The following RHPN2 variants were observed in gnomAD, a reference collection of about 807,000 sequenced individuals.
RHPN2 encodes the protein rhophilin-2.
RHPN2 carries 40 observed loss-of-function variants against 79.0 expected under a neutral mutation model. That is an observed-to-expected ratio of 0.51 (90% CI 0.39 to 0.66). RHPN2 has a LOEUF of 0.66. RHPN2 is among the 30% of genes least tolerant of loss of function. The pLI is 0.00. For missense variants in RHPN2, 686 were observed against 883.5 expected (o/e 0.78, Z 2.83); for synonymous variants, 285 against 363.5 (o/e 0.78, Z 2.46).
intron 1 of RHPN2, among the ~76,000 whole-genome samples, chr19:33,058,954 G>T (rs1312618517): frequency 2.6e-5 from 4 of 152,070 alleles, no homozygotes; most frequent in Admixed American, 6.6e-5. Flanking sequence ...AATTAGCCGG[G>T]CATGGTGGCG....
chr19:33,033,807 C>T (rs1599827381), intron 2 of RHPN2, among the ~76,000 whole-genome samples: 1 of 151,726 alleles, frequency 6.6e-6, no homozygotes, highest in East Asian at 1.9e-4. Flanking sequence ...GCACAGGTTG[C>T]GGTGAGCCGA....
intron 7 of RHPN2, among the ~76,000 whole-genome samples, chr19:33,005,878 A>C (rs574666218): frequency 6.6e-6 from 1 of 152,068 alleles, no homozygotes; most frequent in African/African-American, 2.4e-5. Context: ...CGATAGACCA[A>C]TCTTTTATTT....
rs560241367 is a variant in RHPN2 at position 33,025,878 on chromosome 19, G to A, written c.314+626C>T. On this transcript the variant is annotated intron_variant, in intron 3 of 14. Coordinates refer to ENST00000254260, the MANE Select transcript of RHPN2 (RefSeq NM_033103.5). ...TTGCGTGTCTATGAAATGTGACTAC[G>A]CGGAATTACTGAAAATTAACTATAA... is the stretch of plus-strand genomic sequence containing the variant. 3.9e-5 allele frequency among the ~76,000 whole-genome samples: 6 copies of A among 152,152 alleles called. No individual in the cohort carries two copies. In the East Asian group the frequency reaches 5.8e-4, roughly 15 times the overall value.
At chr19:33,039,714 TG>T (rs1488016921) in intron 2 of RHPN2, among the ~76,000 whole-genome samples, 2 of 151,882 alleles carry the variant, frequency 1.3e-5, no homozygotes, top group Admixed American at 1.3e-4. Context: ...GGCGCATGCT[TG>T]TAGTCCCAGC....
intron 6 of RHPN2, among the ~76,000 whole-genome samples, chr19:33,009,223 T>C (rs988116613): frequency 6.6e-6 from 1 of 151,794 alleles, no homozygotes; most frequent in Admixed American, 6.6e-5. Context: ...AATACACAAG[T>C]GCAAGAATGA....
rs1971756276 is a variant in RHPN2, at chr19:33,002,349, C to T, written c.1003G>A (p.Glu335Lys). The T allele has an allele frequency of 6.2e-7, 1 of 1,613,994 alleles. No individual in the cohort carries two copies. The highest frequency in any genetic ancestry group is 8.5e-7 in the Non-Finnish European group (1 of 1,179,878). The change falls in exon 9 of 15, where the codon GAG becomes AAG. Residue 335 changes from glutamate to lysine, a missense_variant. Glu to Lys is a moderately conservative substitution (Grantham distance 56). Transcript: ENST00000254260. The part of the protein sequence containing the change: ...HAAMSQAPVK[E>K]NIPYSWASLA... ...CTGGCCCAGGAGTAGGGGATGTTCT[C>T]TTTCACCGGCGCCTGGCTCATGGCT... is the stretch of plus-strand genomic sequence containing the variant.
intron 4 of RHPN2, among the ~76,000 whole-genome samples, chr19:33,019,980 G>A (rs1251365054): frequency 6.6e-6 from 1 of 152,082 alleles, no homozygotes; most frequent in Non-Finnish European, 1.5e-5. Context: ...GAAGAGGAGG[G>A]TATTCCAGGC....
In RHPN2 at chr19:33,012,678, T is replaced by A. The variant is rs777739997; in HGVS notation, c.437A>T (p.Asp146Val). Residue 146 changes from aspartate to valine, a missense_variant, in exon 5 of 15, where the codon GAT becomes GTT. By Grantham distance (152) the Asp-to-Val change is radical. Transcript: ENST00000254260. ...HYSEDGYLYE[D>V]EIADLMDLRQ... ...CAGATCCATAAGATCTGCAATTTCATCTTCATATAAATAGCCATCTTCACT... is the reference window on the plus strand; with the variant it reads ...CAGATCCATAAGATCTGCAATTTCAACTTCATATAAATAGCCATCTTCACT... The A allele has an allele frequency of 6.2e-7, 1 of 1,608,184 alleles. No homozygotes were observed. Among genetic ancestry groups the A allele is most frequent in the Non-Finnish European group, 8.5e-7 (1 of 1,174,730 alleles).
chr19:33,022,285 CTA>C (rs1392769447), intron 3 of RHPN2, among the ~76,000 whole-genome samples: 1 of 152,150 alleles, frequency 6.6e-6, no homozygotes, highest in East Asian at 1.9e-4. Flanking sequence ...TGCTGAGAGT[CTA>C]TTGTGTGCCA....
At chr19:32,980,906 C>G (rs1048800549) in intron 14 of RHPN2, among the ~76,000 whole-genome samples, 1 of 151,682 alleles carries the variant, frequency 6.6e-6, no homozygotes, top group Admixed American at 6.6e-5. Flanking sequence ...GGTACGATCT[C>G]GGCTCACTGT....
chr19:33,004,724 T>C (rs1971776868), intron 7 of RHPN2, among the ~76,000 whole-genome samples: 1 of 151,702 alleles, frequency 6.6e-6, no homozygotes, highest in Non-Finnish European at 1.5e-5. Context: ...GTAGCAGGGA[T>C]TACAGGTGTC....
At chr19:33,054,809 AGGT>A (rs752515764) in intron 1 of RHPN2, among the ~76,000 whole-genome samples, 19 of 152,240 alleles carry the variant, frequency 1.2e-4, no homozygotes, top group African/African-American at 4.6e-4. Flanking sequence ...CAGTAGCATC[AGGT>A]GGTGTCGTGG....
At chr19:33,012,038 C>CTTTTTT (rs34140133) in intron 5 of RHPN2, among the ~76,000 whole-genome samples, 2 of 126,410 alleles carry the variant, frequency 1.6e-5, no homozygotes, top group Non-Finnish European at 3.3e-5. Context: ...GGTTTTCCTT[C>CTTTTTT]TTTTTTTTTT....
At chr19:33,064,468 G>A (rs1177288426) in intron 1 of RHPN2, among the ~76,000 whole-genome samples, 1 of 151,882 alleles carries the variant, frequency 6.6e-6, no homozygotes, top group African/African-American at 2.4e-5. Flanking sequence ...GGGATCGCAA[G>A]CGAGGGGTGG....
chr19:33,005,497 T>C (rs750107434), intron 7 of RHPN2, among the ~76,000 whole-genome samples: 3 of 150,722 alleles, frequency 2.0e-5, no homozygotes, highest in Non-Finnish European at 4.4e-5. Context: ...GACTTCTTTG[T>C]AGTTTAGAAA....
At chr19:32,980,760 C>T (rs1459087905) in intron 14 of RHPN2, among the ~76,000 whole-genome samples, 1 of 152,174 alleles carries the variant, frequency 6.6e-6, no homozygotes. Context: ...CTCAAGCGAT[C>T]TTCCTGCCTT....
intron 1 of RHPN2, among the ~76,000 whole-genome samples, chr19:33,046,158 T>G (rs1186257936): frequency 6.6e-6 from 1 of 152,224 alleles, no homozygotes; most frequent in South Asian, 2.1e-4. Flanking sequence ...CGAATAAGGC[T>G]GTTTATGTGC....
chr19:33,006,578 C>A (rs74592141), intron 7 of RHPN2, among the ~76,000 whole-genome samples: 1 of 152,194 alleles, frequency 6.6e-6, no homozygotes, highest in African/African-American at 2.4e-5. Context: ...GAAGGCAACA[C>A]GCTATAGAGC....
At chr19:33,046,089 A>C (rs1972140416) in intron 1 of RHPN2, among the ~76,000 whole-genome samples, 1 of 122,094 alleles carries the variant, frequency 8.2e-6, no homozygotes, top group Non-Finnish European at 1.6e-5. Flanking sequence ...TGTGTACTTT[A>C]TCCATTCATC....
Sources: allele counts gnomAD v4.1 joint callset (sites outside exome capture counted in the v4.1 genomes callset), GRCh38; gene constraint gnomAD v4.1.1; transcripts MANE v1.5; gene names NCBI Gene and HGNC (gene_info 2026-07-23, HGNC 2026-07-21).